CNGB3: variants seen among roughly 807,000 people sequenced by gnomAD.
CNGB3 encodes cyclic nucleotide-gated channel beta-3.
Under a neutral mutation model 92.8 loss-of-function variants are expected in CNGB3, and 86 were observed. That is an observed-to-expected ratio of 0.93 (90% CI 0.78 to 1.11). The LOEUF (loss-of-function observed/expected upper bound fraction) is 1.11. Ranked by LOEUF, CNGB3 falls within the 50% of genes least tolerant of loss-of-function variation. CNGB3 has a pLI of 0.00. For missense variants in CNGB3, 1,026 were observed against 956.8 expected (o/e 1.07, Z -0.95); for synonymous variants, 333 against 332.7 (o/e 1.00, Z -0.01).
At chr8:86,597,332 C>T (rs929205605) in intron 15 of CNGB3, among the ~76,000 whole-genome samples, 2 of 152,132 alleles carry the variant, frequency 1.3e-5, no homozygotes, top group African/African-American at 4.8e-5. Context: ...CCTCCCGGTT[C>T]CTCTTTGGAC....
At chr8:86,599,117 A>G (rs1266173220) in intron 15 of CNGB3, among the ~76,000 whole-genome samples, 2 of 152,202 alleles carry the variant, frequency 1.3e-5, no homozygotes, top group Non-Finnish European at 2.9e-5. Flanking sequence ...AAGAACGTGG[A>G]TTGTGAAGAT....
In CNGB3 at chr8:86,739,663, T is replaced by C. The variant is rs1210492203; in HGVS notation, c.203A>G (p.Asn68Ser). 1.9e-6 allele frequency: 3 copies of C among 1,611,614 alleles called. No individual in the cohort carries two copies. The highest frequency in any genetic ancestry group is 2.5e-6 in the Non-Finnish European group (3 of 1,179,640). ...TPVTSEEPHT[N>S]IQDKLSKKNS... ...TCAGACTGCATTCTGACCTTGTATG[T>C]TGGTGTGTGGCTCTTCAGACGTGAC... The change falls in exon 2 of 18, where the codon AAC (asparagine) becomes AGC (serine). Residue 68 changes from asparagine (N) to serine (S), a missense_variant. By Grantham distance (46) the Asn-to-Ser change is conservative (BLOSUM62 1). Coordinates refer to ENST00000320005, the MANE Select transcript of CNGB3 (RefSeq NM_019098.5).
intron 2 of CNGB3, among the ~76,000 whole-genome samples, chr8:86,734,315 G>T (rs1825208906): frequency 6.6e-6 from 1 of 152,128 alleles, no homozygotes; most frequent in African/African-American, 2.4e-5. Flanking sequence ...ATCTGGAATT[G>T]TGCTAGACTT....
chr8:86,592,479 T>A (rs920374269), intron 15 of CNGB3, among the ~76,000 whole-genome samples: 1 of 152,214 alleles, frequency 6.6e-6, no homozygotes, highest in East Asian at 1.9e-4. Context: ...TGTATTAGTG[T>A]TTCTCCATTT....
intron 10 of CNGB3, among the ~76,000 whole-genome samples, chr8:86,640,140 G>C (rs1823153087): frequency 6.6e-6 from 1 of 151,984 alleles, no homozygotes; most frequent in Non-Finnish European, 1.5e-5. Flanking sequence ...CAATAATTAT[G>C]TTTGGTGTCT....
At chr8:86,740,560 A>G (rs1268496916) in intron 1 of CNGB3, among the ~76,000 whole-genome samples, 1 of 152,194 alleles carries the variant, frequency 6.6e-6, no homozygotes, top group Non-Finnish European at 1.5e-5. Flanking sequence ...GGGAGAGACT[A>G]CAGTAGGAGT....
chr8:86,636,795 C>A (rs749798759), intron 10 of CNGB3, among the ~76,000 whole-genome samples: 1 of 151,964 alleles, frequency 6.6e-6, no homozygotes, highest in East Asian at 1.9e-4. Flanking sequence ...TCTACTACTA[C>A]GAAATTGACT....
chr8:86,631,906 A>G (rs1822969141), intron 11 of CNGB3, among the ~76,000 whole-genome samples: 1 of 152,206 alleles, frequency 6.6e-6, no homozygotes, highest in African/African-American at 2.4e-5. Context: ...TCCCACGGTT[A>G]GAGATGGTGG....
chr8:86,709,047 T>A (rs1485664946), intron 3 of CNGB3, among the ~76,000 whole-genome samples: 2 of 152,120 alleles, frequency 1.3e-5, no homozygotes, highest in African/African-American at 2.4e-5. Flanking sequence ...ATGTGGAAAA[T>A]GCTGCAACAT....
chr8:86,720,308 A>C (rs1157517816), intron 3 of CNGB3, among the ~76,000 whole-genome samples: 2 of 152,222 alleles, frequency 1.3e-5, no homozygotes, highest in African/African-American at 4.8e-5. Context: ...CAAGAAAAAA[A>C]ACAAGCAATC....
At chr8:86,614,812 A>G (rs925371813) in intron 13 of CNGB3, among the ~76,000 whole-genome samples, 2 of 152,148 alleles carry the variant, frequency 1.3e-5, no homozygotes, top group African/African-American at 4.8e-5. Context: ...TGAAAGGCAC[A>G]CTGTGAACAG....
At chr8:86,726,739 T>C (rs1035223025) in intron 2 of CNGB3, 82 bp from the exon 3 acceptor site, 1 of 1,513,496 alleles carries the variant, frequency 6.6e-7, no homozygotes, top group African/African-American at 1.4e-5. Flanking sequence ...GCTACAAAGA[T>C]GCTGCTTGTT....
Position 86,726,690 on chromosome 8 carries a change from T to A in CNGB3, c.212-33A>T, listed in dbSNP as rs193221878. On this transcript the variant is annotated intron_variant, in intron 2 of 17. Transcript: ENST00000320005. ...AAAAAAATTCACATAGATAGAAGAA[T>A]GTACAACACTCTTGACCCAGCTATA... 3 of 1,612,154 alleles carry A rather than the reference T, an allele frequency of 1.9e-6. No individual in the cohort carries two copies. In the South Asian group the frequency reaches 3.3e-5, roughly 18 times the overall value.
intron 13 of CNGB3, among the ~76,000 whole-genome samples, chr8:86,623,863 G>A (rs1222433271): frequency 6.6e-6 from 1 of 152,112 alleles, no homozygotes. Flanking sequence ...AATCAAACAG[G>A]AAAAACTATG....
chr8:86,635,869 T>TAC (rs1380612222), intron 10 of CNGB3, among the ~76,000 whole-genome samples: 434 of 70,630 alleles, frequency 6.1e-3, no homozygotes, highest in African/African-American at 0.012. Context: ...TATATACACA[T>TAC]ACACATATAC....
At chr8:86,609,525 T>A (rs1221517700) in intron 14 of CNGB3, among the ~76,000 whole-genome samples, 1 of 152,214 alleles carries the variant, frequency 6.6e-6, no homozygotes, top group Non-Finnish European at 1.5e-5. Context: ...TTCATTGATC[T>A]CTTCAAACAC....
chr8:86,735,207 A>G (rs371225801), intron 2 of CNGB3, among the ~76,000 whole-genome samples: 34 of 119,714 alleles, frequency 2.8e-4, no homozygotes, highest in African/African-American at 1.1e-3. Flanking sequence ...CAGTGGCGCA[A>G]TCTCGGCTCC....
intron 1 of CNGB3, 120 bp downstream of exon 1, chr8:86,743,379 T>C: frequency 1.9e-6 from 2 of 1,063,508 alleles, no homozygotes; most frequent in South Asian, 2.5e-5. Context: ...ACACAGTACA[T>C]GTACCAGATG....
Position 86,590,746 on chromosome 8 carries a change from G to C in CNGB3, c.1782-11494C>G, listed in dbSNP as rs1050568352. 1.4e-4 allele frequency among the ~76,000 whole-genome samples: 20 copies of C among 144,710 alleles called. 1 individual carries two copies. The highest frequency in any genetic ancestry group is 4.9e-4 in the African/African-American group (19 of 38,660). 94.9% of individuals were successfully genotyped at this position (144,710 alleles called of 152,430 possible). On this transcript the variant is annotated intron_variant, in intron 15 of 17. Transcript: ENST00000320005. ...ATGGGCTTCCCTTTGAGGGTAACCC[G>C]ACCTTTCTCTCTGGCTGCCCTTAAC...
Sources: gnomAD v4.1 joint callset for allele counts (sites outside exome capture counted in the v4.1 genomes callset) on GRCh38, gnomAD v4.1.1 for gene constraint, MANE v1.5 for transcripts, NCBI Gene and HGNC (gene_info 2026-07-23, HGNC 2026-07-21) for gene names.